Variants in ALG6 observed in about 807,000 individuals in gnomAD.
ALG6 encodes the protein dolichyl pyrophosphate Man9GlcNAc2 alpha-1,3-glucosyltransferase.
A neutral mutation model predicts 66.6 loss-of-function variants in ALG6; 46 were observed. That is an observed-to-expected ratio of 0.69 (90% confidence interval 0.55 to 0.88). The LOEUF is 0.88. ALG6 is among the 40% of genes least tolerant of loss of function. ALG6 has a pLI of 0.00. For synonymous variants in ALG6, 185 were observed against 203.7 expected (o/e 0.91, Z 0.78); for missense variants, 505 against 586.8 (o/e 0.86, Z 1.44).
At chr1:63,423,681 T>C (rs1482948412) in intron 12 of ALG6, among the ~76,000 whole-genome samples, 3 of 152,242 alleles carry the variant, frequency 2.0e-5, no homozygotes, top group African/African-American at 7.2e-5. Flanking sequence ...TGTATTCTTT[T>C]TTATGCCTGA....
At chr1:63,419,811 A>T (rs1262988087) in intron 12 of ALG6, among the ~76,000 whole-genome samples, 1 of 151,700 alleles carries the variant, frequency 6.6e-6, no homozygotes, top group Admixed American at 6.6e-5. Flanking sequence ...CTTTCCATTT[A>T]CTTCCATGGG....
chr1:63,435,771 A>G (rs1020777120), intron 14 of ALG6, among the ~76,000 whole-genome samples: 1 of 151,870 alleles, frequency 6.6e-6, no homozygotes, highest in African/African-American at 2.4e-5. Flanking sequence ...CCTCAGTCAC[A>G]GTAAGTACAT....
At chr1:63,394,494 C>T (rs1648761556) in intron 2 of ALG6, among the ~76,000 whole-genome samples, 1 of 152,060 alleles carries the variant, frequency 6.6e-6, no homozygotes, top group African/African-American at 2.4e-5. Context: ...CCTCAGCCTC[C>T]CAAGTAGCTG....
At chr1:63,409,736 A>G (rs1644507101) in intron 7 of ALG6, among the ~76,000 whole-genome samples, 1 of 152,020 alleles carries the variant, frequency 6.6e-6, no homozygotes, top group African/African-American at 2.4e-5. Flanking sequence ...TTTTTATTTA[A>G]GAATAAGGCA....
At chr1:63,373,613 A>G (rs541574459) in intron 2 of ALG6, among the ~76,000 whole-genome samples, 2 of 144,116 alleles carry the variant, frequency 1.4e-5, no homozygotes, top group East Asian at 4.2e-4. Context: ...ACAAAACAAC[A>G]CACTTTTTTG....
chr1:63,415,440 A>G (rs1644540972), intron 10 of ALG6, among the ~76,000 whole-genome samples: 1 of 152,154 alleles, frequency 6.6e-6, no homozygotes, highest in African/African-American at 2.4e-5. Flanking sequence ...CAGATAATCA[A>G]TGTTTGTGAA....
At chr1:63,405,839 AT>A (rs1054491354) in intron 5 of ALG6, among the ~76,000 whole-genome samples, 5 of 150,340 alleles carry the variant, frequency 3.3e-5, no homozygotes, top group East Asian at 2.0e-4. Context: ...TTTTTTTAGG[AT>A]TTTTTTTTCA....
chr1:63,377,016 G>A (rs1446270464), intron 2 of ALG6, among the ~76,000 whole-genome samples: 2 of 151,646 alleles, frequency 1.3e-5, no homozygotes, highest in Non-Finnish European at 2.9e-5. Flanking sequence ...TGCCCAGGCT[G>A]GACGGCACAA....
intron 2 of ALG6, among the ~76,000 whole-genome samples, chr1:63,378,539 T>C (rs1004364350): frequency 2.0e-5 from 3 of 152,192 alleles, no homozygotes; most frequent in East Asian, 1.9e-4. Context: ...ATTAGATATA[T>C]GTTGGATCTT....
At chr1:63,386,857 GTTCT>G (rs1330928718) in intron 2 of ALG6, among the ~76,000 whole-genome samples, 3 of 151,872 alleles carry the variant, frequency 2.0e-5, no homozygotes, top group Non-Finnish European at 2.9e-5. Context: ...AGCTTTTCTA[GTTCT>G]TTAAGATGTA....
At chr1:63,401,298 T>G (rs1474038667) in intron 3 of ALG6, among the ~76,000 whole-genome samples, 1 of 152,162 alleles carries the variant, frequency 6.6e-6, no homozygotes, top group Non-Finnish European at 1.5e-5. Context: ...TGGGATCATG[T>G]TGAATGCTAA....
chr1:63,423,946 C>T (rs1035258260), intron 12 of ALG6, among the ~76,000 whole-genome samples: 4 of 152,156 alleles, frequency 2.6e-5, no homozygotes, highest in Non-Finnish European at 5.9e-5. Flanking sequence ...TATATGAAGG[C>T]TTCAATTTCT....
intron 2 of ALG6, among the ~76,000 whole-genome samples, chr1:63,377,323 T>C (rs955248761): frequency 4.6e-5 from 7 of 152,202 alleles, no homozygotes; most frequent in Non-Finnish European, 2.9e-5. Flanking sequence ...TGTTAAAGTT[T>C]GTTTCCTCTA....
At chr1:63,382,655 GTTTTTTTTTGTTTTTTTT>G (rs1557581406) in intron 2 of ALG6, among the ~76,000 whole-genome samples, 2 of 81,226 alleles carry the variant, frequency 2.5e-5, no homozygotes, top group South Asian at 3.8e-4. Flanking sequence ...TTTTTTGTTT[GTTTTTTTTTGTTTTTTTT>G]TTTTTGTTTT....
intron 2 of ALG6, among the ~76,000 whole-genome samples, chr1:63,381,860 A>AT (rs1648320160): frequency 6.6e-6 from 1 of 152,044 alleles, no homozygotes; most frequent in Admixed American, 6.6e-5. Flanking sequence ...TGGTATCCTA[A>AT]TTTGTATTGT....
chr1:63,429,531 G>A (rs1644634601), intron 14 of ALG6: 2 of 165,306 alleles, frequency 1.2e-5, no homozygotes, highest in Non-Finnish European at 2.6e-5. Context: ...GAGACTAAAA[G>A]TTCAAGATCA....
intron 14 of ALG6, among the ~76,000 whole-genome samples, chr1:63,435,643 A>T (rs192104515): frequency 6.6e-6 from 1 of 152,122 alleles, no homozygotes; most frequent in Non-Finnish European, 1.5e-5. Flanking sequence ...AATGAGTAAG[A>T]TCTTGCTGGT....
At chr1:63,417,881 A>G (rs1202411363) in intron 11 of ALG6, among the ~76,000 whole-genome samples, 1 of 152,156 alleles carries the variant, frequency 6.6e-6, no homozygotes, top group African/African-American at 2.4e-5. Context: ...CACACCTGTA[A>G]TCCCAGCACT....
In ALG6 at chr1:63,381,440, C is replaced by T. The variant is rs942275697; in HGVS notation, c.82+10381C>T. On this transcript the variant is annotated intron_variant, in intron 2 of 14. Coordinates refer to ENST00000263440, the MANE Select transcript of ALG6 (RefSeq NM_013339.4). ...CTGCACTCCAGCCTGGGCGACAGAGCGAGACCGTCTCAAAAGACAAAAACA... is the reference window on the plus strand; with the variant it reads ...CTGCACTCCAGCCTGGGCGACAGAGTGAGACCGTCTCAAAAGACAAAAACA... Among the ~76,000 whole-genome samples the T allele has an allele frequency of 5.9e-5, 9 of 152,030 alleles. No homozygotes were observed. The East Asian group carries it at 9.6e-4, about 16-fold the overall frequency.
Sources: gnomAD v4.1 joint callset for allele counts (sites outside exome capture counted in the v4.1 genomes callset) on GRCh38, gnomAD v4.1.1 for gene constraint, MANE v1.5 for transcripts, NCBI Gene and HGNC (gene_info 2026-07-23, HGNC 2026-07-21) for gene names.